Variants in TM9SF2 observed in about 807,000 individuals in gnomAD.
TM9SF2 encodes the protein 76 kDa membrane protein.
Under a neutral mutation model 84.9 loss-of-function variants are expected in TM9SF2, and 13 were observed. The ratio of observed to expected loss-of-function variants is 0.15; its 90% CI spans 0.10 to 0.24. The LOEUF (loss-of-function observed/expected upper bound fraction) is 0.24. Among genes scored for constraint, TM9SF2 ranks in the 10% least tolerant of loss-of-function variants. The pLI is 1.00. For missense variants in TM9SF2, 562 were observed against 818.5 expected, an observed-to-expected ratio of 0.69 and a Z score of 3.82; for synonymous variants, 273 against 285.8, an observed-to-expected ratio of 0.96 and a Z score of 0.45.
At chr13:99,545,924 G>A (rs1009516019) in intron 10 of TM9SF2, among the ~76,000 whole-genome samples, 6 of 152,042 alleles carry the variant, frequency 3.9e-5, no homozygotes, top group East Asian at 1.9e-4. Context: ...TTTTTATTGC[G>A]GTCAGCTAGA....
chr13:99,556,364 T>G (rs530850523), intron 15 of TM9SF2, among the ~76,000 whole-genome samples: 2 of 152,328 alleles, frequency 1.3e-5, no homozygotes, highest in South Asian at 4.1e-4. Flanking sequence ...TCACCCCTAA[T>G]TAAAGCCCTA....
At chr13:99,529,393 A>G (rs1350270497) in intron 3 of TM9SF2, 74 bp from the exon 4 acceptor site, 4 of 1,356,238 alleles carry the variant, frequency 2.9e-6, no homozygotes, top group Non-Finnish European at 1.9e-6. Flanking sequence ...CAGCACTTTT[A>G]CTCTATTTGT....
chr13:99,517,558 C>A, intron 1 of TM9SF2, 56 bp from the exon 2 acceptor site: 1 of 1,195,622 alleles, frequency 8.4e-7, no homozygotes, highest in Non-Finnish European at 1.2e-6. Context: ...CTAAGCATGA[C>A]TTAAGGCTTT....
chr13:99,526,126 GGC>G (rs766166702), intron 3 of TM9SF2, among the ~76,000 whole-genome samples: 2 of 152,316 alleles, frequency 1.3e-5, no homozygotes, highest in Non-Finnish European at 2.9e-5. Flanking sequence ...TAGGCAGCAT[GGC>G]CACCCCACCT....
intron 12 of TM9SF2, among the ~76,000 whole-genome samples, chr13:99,549,598 C>T (rs1355536905): frequency 6.6e-6 from 1 of 152,166 alleles, no homozygotes; most frequent in African/African-American, 2.4e-5. Context: ...TTATCCAAAG[C>T]ATTGCCATTT....
intron 9 of TM9SF2, among the ~76,000 whole-genome samples, chr13:99,543,595 A>G (rs1255339471): frequency 6.6e-6 from 1 of 152,238 alleles, no homozygotes; most frequent in Non-Finnish European, 1.5e-5. Context: ...TTAGGTAGCA[A>G]TCACATTGTC....
At chr13:99,509,005 A>T (rs1179299597) in intron 1 of TM9SF2, among the ~76,000 whole-genome samples, 2 of 152,220 alleles carry the variant, frequency 1.3e-5, no homozygotes, top group Non-Finnish European at 2.9e-5. Context: ...TGACTGCAGC[A>T]TTAATTCAAA....
chr13:99,509,584 C>G (rs1348920702), intron 1 of TM9SF2, among the ~76,000 whole-genome samples: 1 of 152,216 alleles, frequency 6.6e-6, no homozygotes, highest in African/African-American at 2.4e-5. Flanking sequence ...ACCTCAGCCT[C>G]TTTGAGCCAT....
intron 6 of TM9SF2, 91 bp downstream of exon 6, chr13:99,537,954 C>A: frequency 6.9e-7 from 1 of 1,454,780 alleles, no homozygotes; most frequent in Non-Finnish European, 9.1e-7. Flanking sequence ...CCTTAATATT[C>A]TGACATTTCA....
At chr13:99,561,922 G>A (rs1037892516) in intron 16 of TM9SF2, among the ~76,000 whole-genome samples, 1 of 152,110 alleles carries the variant, frequency 6.6e-6, no homozygotes, top group Non-Finnish European at 1.5e-5. Flanking sequence ...TTGAAAGAGT[G>A]TCCCCATCTA....
chr13:99,543,134 T>G (rs2046267980), intron 9 of TM9SF2, among the ~76,000 whole-genome samples: 1 of 152,172 alleles, frequency 6.6e-6, no homozygotes, highest in South Asian at 2.1e-4. Flanking sequence ...TGCCCCTCAT[T>G]TACATGGCTA....
chr13:99,531,503 C>T (rs990234135), intron 4 of TM9SF2, among the ~76,000 whole-genome samples: 1 of 152,146 alleles, frequency 6.6e-6, no homozygotes, highest in Non-Finnish European at 1.5e-5. Context: ...CCCACCCAAC[C>T]CCCATATGCA....
At chr13:99,534,478 CAAAAA>C (rs918293930) in intron 4 of TM9SF2, among the ~76,000 whole-genome samples, 3 of 150,542 alleles carry the variant, frequency 2.0e-5, no homozygotes, top group African/African-American at 7.3e-5. Context: ...CTTGCAACTG[CAAAAA>C]AAAGAAAAGA....
chr13:99,541,326 A>G (rs9582320), intron 8 of TM9SF2, among the ~76,000 whole-genome samples: 1,559 of 152,344 alleles, frequency 0.01, 32 homozygotes, highest in African/African-American at 0.036. Flanking sequence ...GTACCAAAAA[A>G]TTCTAGTTCT....
intron 14 of TM9SF2, among the ~76,000 whole-genome samples, chr13:99,554,727 C>T (rs925437047): frequency 6.6e-6 from 1 of 152,084 alleles, no homozygotes; most frequent in Non-Finnish European, 1.5e-5. Flanking sequence ...AGTGTTATCC[C>T]CATTTTACAG....
intron 14 of TM9SF2, 146 bp downstream of exon 14, chr13:99,554,601 T>G (rs1274847331): frequency 1.2e-6 from 1 of 867,778 alleles, no homozygotes; most frequent in Non-Finnish European, 1.7e-6. Context: ...AAGCTTATTT[T>G]TATCTTTTCC....
In TM9SF2 at chr13:99,546,990, G is replaced by A. The variant is rs773358241; in HGVS notation, c.1156G>A (p.Ala386Thr). The change falls in exon 11 of 17, where the codon GCT becomes ACT. Residue 386 changes from alanine (A) to threonine (T), a missense_variant. By Grantham distance (58) the Ala-to-Thr change is moderately conservative. Around this residue, in one of 4 missense-constraint regions of TM9SF2, gnomAD observed 219 missense variants for 338.1 expected, o/e 0.65. Coordinates refer to ENST00000376387, the MANE Select transcript of TM9SF2 (RefSeq NM_004800.3). Reference protein sequence around the residue: ...LIMTFVTLFFACLGFLSPANR... With the variant: ...LIMTFVTLFFTCLGFLSPANR... ...TTTCACGATTTGTGTTTTAGTTTTC[G>A]CTTGCCTGGGATTTTTGTCACCTGC... 2 of 1,614,048 alleles carry A rather than the reference G, an allele frequency of 1.2e-6. No individual in the cohort carries two copies. The highest frequency in any genetic ancestry group is 1.3e-5 in the African/African-American group (1 of 75,002).
At chr13:99,559,557 T>G (rs1007379463) in intron 16 of TM9SF2, 23 bp downstream of exon 16, 7 of 1,553,108 alleles carry the variant, frequency 4.5e-6, no homozygotes, top group Non-Finnish European at 6.1e-6. Context: ...TTTAAGTGAT[T>G]ATTTTTATTT....
intron 1 of TM9SF2, among the ~76,000 whole-genome samples, chr13:99,513,014 C>G (rs1477833583): frequency 1.3e-5 from 2 of 152,044 alleles, no homozygotes; most frequent in African/African-American, 4.8e-5. Flanking sequence ...TATGAGACAG[C>G]AAAAAGTAAA....
Sources: allele counts gnomAD v4.1 joint callset (sites outside exome capture counted in the v4.1 genomes callset), GRCh38; gene constraint gnomAD v4.1.1; regional missense constraint gnomAD v4.1.1; transcripts MANE v1.5; gene names NCBI Gene and HGNC (gene_info 2026-07-23, HGNC 2026-07-21).